Variants in SLC24A3 observed in about 807,000 individuals in gnomAD.
SLC24A3 encodes solute carrier family 24 member 3, also known as sodium/potassium/calcium exchanger 3.
A neutral mutation model predicts 75.8 loss-of-function variants in SLC24A3; 28 were observed. The observed-to-expected ratio is 0.37, with a 90% CI of 0.27 to 0.51. SLC24A3 has a LOEUF of 0.51. Ranked by LOEUF, SLC24A3 falls within the 20% of genes least tolerant of loss-of-function variation. The probability of loss-of-function intolerance (pLI) is 0.94; values close to 1 mark genes in which losing one functional copy is unlikely to be tolerated. For missense variants in SLC24A3, 663 were observed against 847.8 expected (o/e 0.78, Z 2.71); for synonymous variants, 372 against 334.1 (o/e 1.11, Z -1.24).
chr20:19,556,951 C>T (rs555051498), intron 3 of SLC24A3, among the ~76,000 whole-genome samples: 1 of 152,240 alleles, frequency 6.6e-6, no homozygotes, highest in African/African-American at 2.4e-5. Flanking sequence ...AAGTCTTCTC[C>T]ATGGTCTGAC....
intron 6 of SLC24A3, among the ~76,000 whole-genome samples, chr20:19,646,445 T>C (rs1408786512): frequency 6.6e-6 from 1 of 152,228 alleles, no homozygotes; most frequent in Non-Finnish European, 1.5e-5. Flanking sequence ...CTGTATCTTA[T>C]CTGGCAACTT....
intron 15 of SLC24A3, among the ~76,000 whole-genome samples, chr20:19,713,205 T>G (rs1568708388): frequency 6.6e-6 from 1 of 152,178 alleles, no homozygotes; most frequent in African/African-American, 2.4e-5. Flanking sequence ...TCTCTGCAGT[T>G]TACTTTGAAG....
At chr20:19,364,263 A>C (rs1199652093) in intron 2 of SLC24A3, among the ~76,000 whole-genome samples, 2 of 152,022 alleles carry the variant, frequency 1.3e-5, no homozygotes, top group African/African-American at 4.8e-5. Context: ...CTTCCACTTC[A>C]GCCAGCCGCC....
intron 12 of SLC24A3, among the ~76,000 whole-genome samples, chr20:19,686,926 T>C (rs999763811): frequency 8.5e-5 from 13 of 152,252 alleles, no homozygotes; most frequent in African/African-American, 2.9e-4. Context: ...GATATATTTC[T>C]TGGCAACCTT....
chr20:19,537,258 CAA>C (rs1277840843), intron 3 of SLC24A3, among the ~76,000 whole-genome samples: 1 of 151,980 alleles, frequency 6.6e-6, no homozygotes, highest in Non-Finnish European at 1.5e-5. Context: ...TTTATGCAGC[CAA>C]AAAACACATG....
intron 2 of SLC24A3, among the ~76,000 whole-genome samples, chr20:19,306,412 G>T (rs555498294): frequency 6.6e-6 from 1 of 152,306 alleles, no homozygotes; most frequent in South Asian, 2.1e-4. Flanking sequence ...TATGTTCATT[G>T]CAGCACTATT....
intron 15 of SLC24A3, among the ~76,000 whole-genome samples, chr20:19,704,315 G>A (rs768573599): frequency 2.0e-5 from 3 of 152,144 alleles, no homozygotes; most frequent in Non-Finnish European, 4.4e-5. Context: ...AATTCACTGA[G>A]CATCTACTCT....
intron 3 of SLC24A3, among the ~76,000 whole-genome samples, chr20:19,543,363 G>A (rs370621335): frequency 1.3e-5 from 2 of 152,212 alleles, no homozygotes; most frequent in East Asian, 1.9e-4. Flanking sequence ...GTTTTGAAAC[G>A]GCGTGTCACA....
intron 7 of SLC24A3, among the ~76,000 whole-genome samples, chr20:19,664,651 C>T (rs1010688866): frequency 1.3e-4 from 20 of 152,186 alleles, no homozygotes; most frequent in Non-Finnish European, 2.5e-4. Context: ...TTTCCCATCT[C>T]CAAGTTGTGA....
chr20:19,223,758 T>C (rs551457340), intron 1 of SLC24A3, among the ~76,000 whole-genome samples: 200 of 152,328 alleles, frequency 1.3e-3, no homozygotes, highest in African/African-American at 4.7e-3. Context: ...CGTAAGGAGA[T>C]GAAGTCAGGT....
At chr20:19,269,285 A>T (rs1001012516) in intron 1 of SLC24A3, among the ~76,000 whole-genome samples, 8 of 152,228 alleles carry the variant, frequency 5.3e-5, no homozygotes, top group African/African-American at 1.7e-4. Context: ...TCATCATGGT[A>T]TTTGGGAGTT....
chr20:19,387,622 G>A (rs1394093186), intron 2 of SLC24A3, among the ~76,000 whole-genome samples: 1 of 152,072 alleles, frequency 6.6e-6, no homozygotes, highest in African/African-American at 2.4e-5. Flanking sequence ...ACATATTTGT[G>A]AATTTTCCAT....
At chr20:19,296,266 G>GTTTT (rs1319511739) in intron 2 of SLC24A3, among the ~76,000 whole-genome samples, 110 of 59,536 alleles carry the variant, frequency 1.8e-3, no homozygotes, top group Admixed American at 2.2e-3. Context: ...CTAGCTAGTG[G>GTTTT]TCTTTTTTTT....
intron 15 of SLC24A3, among the ~76,000 whole-genome samples, chr20:19,713,593 G>A (rs2033012428): frequency 6.6e-6 from 1 of 152,058 alleles, no homozygotes; most frequent in Non-Finnish European, 1.5e-5. Flanking sequence ...TCTGCCAGGT[G>A]GAGGGTAAAG....
chr20:19,698,478 T>C, intron 14 of SLC24A3, 90 bp from the exon 15 acceptor site: 1 of 842,838 alleles, frequency 1.2e-6, no homozygotes, highest in Non-Finnish European at 1.9e-6. Context: ...GCAGAACCAC[T>C]CTCTGGCTGT....
chr20:19,498,633 A>G (rs931315780), intron 2 of SLC24A3, among the ~76,000 whole-genome samples: 2 of 152,194 alleles, frequency 1.3e-5, no homozygotes, highest in Non-Finnish European at 2.9e-5. Context: ...ATTGTTATCA[A>G]TATGGTTATA....
At chr20:19,333,021 A>G (rs1383337478) in intron 2 of SLC24A3, among the ~76,000 whole-genome samples, 2 of 152,150 alleles carry the variant, frequency 1.3e-5, no homozygotes, top group East Asian at 1.9e-4. Context: ...TCTTGTGGCT[A>G]ATAGAGGGCT....
At chr20:19,367,660 T>C (rs1476688913) in intron 2 of SLC24A3, among the ~76,000 whole-genome samples, 2 of 152,154 alleles carry the variant, frequency 1.3e-5, no homozygotes, top group African/African-American at 4.8e-5. Flanking sequence ...AGCCACACCT[T>C]ACTTGGGAAG....
At chr20:19,496,080 G>T (rs932078691) in intron 2 of SLC24A3, among the ~76,000 whole-genome samples, 2 of 152,228 alleles carry the variant, frequency 1.3e-5, no homozygotes, top group Non-Finnish European at 2.9e-5. Context: ...AGACGAGTCA[G>T]ACATGCCTCT....
Sources: gnomAD v4.1 joint callset for allele counts (sites outside exome capture counted in the v4.1 genomes callset) on GRCh38, gnomAD v4.1.1 for gene constraint, MANE v1.5 for transcripts, NCBI Gene and HGNC (gene_info 2026-07-23, HGNC 2026-07-21) for gene names.